GUCA2A: variants seen among roughly 807,000 people sequenced by gnomAD.
GUCA2A encodes guanylate cyclase activator 2A, also known as guanylin.
In GUCA2A, 17 loss-of-function variants were observed where a neutral mutation model predicts 11.2. The observed-to-expected ratio is 1.52, with a 90% CI of 1.04 to 2.28. GUCA2A has a LOEUF of 2.28. GUCA2A is among the 30% of genes most tolerant of loss of function. The probability of loss-of-function intolerance (pLI) is 0.00; values close to 1 mark genes in which losing one functional copy is unlikely to be tolerated. For missense variants in GUCA2A, 173 were observed against 139.3 expected, an observed-to-expected ratio of 1.24 and a Z score of -1.22; for synonymous variants, 64 against 57.1, an observed-to-expected ratio of 1.12 and a Z score of -0.54.
Position 42,163,515 on chromosome 1 carries a change from T to G in GUCA2A, c.171A>C (p.Ala57=). The G allele has an allele frequency of 6.2e-7, 1 of 1,613,292 alleles. No individual in the cohort carries two copies. The highest frequency in any genetic ancestry group is 1.7e-4 in the Middle Eastern group (1 of 6,060). The change falls in exon 2 of 3, where the codon GCA becomes GCC. Residue 57 remains alanine, a synonymous_variant. Transcript: ENST00000357001. Reference sequence around the variant, plus strand: ...GAACCACAGGTTCACCAGGGATGGGTGCAAAGTTCCTGAGTTTCCCAACCC... The same window carrying G: ...GAACCACAGGTTCACCAGGGATGGGGGCAAAGTTCCTGAGTTTCCCAACCC... ...EPRVGKLRNF[A]PIPGEPVVPI...
chr1:42,163,414 A>AGT lies in GUCA2A; in HGVS notation c.270_271dup (p.Leu91HisfsTer?). 1 of 1,610,402 alleles carries AGT rather than the reference A, an allele frequency of 6.2e-7. No individual in the cohort carries two copies. The highest frequency in any genetic ancestry group is 8.5e-7 in the Non-Finnish European group (1 of 1,176,624). ...AGGAGGCTGCTCACCCAGCCTCTGAAGTATCTCCTGGGCATTGGGCTCCTT... is the reference window on the plus strand; with the variant it reads ...AGGAGGCTGCTCACCCAGCCTCTGAAGTGTATCTCCTGGGCATTGGGCTCCTT... On this transcript the variant is annotated frameshift_variant, in exon 2 of 3. Coordinates refer to ENST00000357001, the MANE Select transcript of GUCA2A (RefSeq NM_033553.3). LOFTEE classifies it high-confidence loss of function.
rs561904719 is a variant in GUCA2A at position 42,164,725 on chromosome 1, C to G, written c.-13G>C. ...GGAAGGCATTCATGGCAGCAGTGCC[C>G]GAGAGAGGGGTGGCTGTTCTGGATG... is the stretch of plus-strand genomic sequence containing the variant. On this transcript the variant is annotated 5_prime_UTR_variant, in exon 1 of 3. Coordinates refer to ENST00000357001, the MANE Select transcript of GUCA2A (RefSeq NM_033553.3). 1.1e-5 allele frequency: 17 copies of G among 1,517,798 alleles called. No homozygotes were observed. In the African/African-American group the frequency reaches 1.9e-4, roughly 17 times the overall value. 94.0% of individuals were successfully genotyped at this position (1,517,798 alleles called of 1,614,324 possible). A position where few individuals can be genotyped will look rare whatever the true frequency, so the allele number is the denominator to read the frequency against.
chr1:42,162,715 G>T lies in GUCA2A; in HGVS notation c.*191C>A. On this transcript the variant is annotated 3_prime_UTR_variant, in exon 3 of 3. Coordinates refer to ENST00000357001, the MANE Select transcript of GUCA2A (RefSeq NM_033553.3). ...TACTCTGGAATCTGGTTTATTAGCT[G>T]GGGGTTGAAGTGGCAGGGAAGGACA... is the stretch of plus-strand genomic sequence containing the variant. 1 of 600,094 alleles carries T rather than the reference G, an allele frequency of 1.7e-6. No individual in the cohort carries two copies. The allele number at this position is 600,094 out of a possible 1,614,324, so 37.2% of individuals were successfully genotyped here.
rs1382831189 is a variant in GUCA2A at position 42,163,659 on chromosome 1, T to C, written c.76-49A>G. 4 of 1,337,784 alleles carry C rather than the reference T, an allele frequency of 3.0e-6. No homozygotes were observed. In the South Asian group the frequency reaches 3.7e-5, roughly 13 times the overall value. The allele number at this position is 1,337,784 out of a possible 1,614,324, so 82.9% of individuals were successfully genotyped here. A position where few individuals can be genotyped will look rare whatever the true frequency, so the allele number is the denominator to read the frequency against. On this transcript the variant is annotated intron_variant, in intron 1 of 2. Coordinates refer to ENST00000357001, the MANE Select transcript of GUCA2A (RefSeq NM_033553.3). Reference sequence around the variant, plus strand: ...TGAGGCCAGGCTGCAGCCTGCTTCCTGGCTGTGCCCCCCGTGCTGGCCCCG... The same window carrying C: ...TGAGGCCAGGCTGCAGCCTGCTTCCCGGCTGTGCCCCCCGTGCTGGCCCCG...
At chr1:42,163,310 C>T (rs1325393733) in intron 2 of GUCA2A, 93 bp downstream of exon 2, 6 of 842,106 alleles carry the variant, frequency 7.1e-6, no homozygotes, top group Non-Finnish European at 1.2e-5. Context: ...TGAGCCCTTC[C>T]TCCAAATCCC....
chr1:42,162,809 G>A lies in GUCA2A; in HGVS notation c.*97C>T. 1 of 1,006,814 alleles carries A rather than the reference G, an allele frequency of 9.9e-7. No homozygotes were observed. Among genetic ancestry groups the A allele is most frequent in the Non-Finnish European group, 1.6e-6 (1 of 633,630 alleles). 62.4% of individuals were successfully genotyped at this position (1,006,814 alleles called of 1,614,324 possible). On this transcript the variant is annotated 3_prime_UTR_variant, in exon 3 of 3. Coordinates refer to ENST00000357001, the MANE Select transcript of GUCA2A (RefSeq NM_033553.3). ...GCTCCTCCCGACTGGACCAGGGTAGGTTGAGCTGCTGGGAGTGGAGTATCA... is the reference window on the plus strand; with the variant it reads ...GCTCCTCCCGACTGGACCAGGGTAGATTGAGCTGCTGGGAGTGGAGTATCA...
At chr1:42,163,343 C>T in intron 2 of GUCA2A, 60 bp downstream of exon 2, 1 of 1,104,344 alleles carries the variant, frequency 9.1e-7, no homozygotes, top group Non-Finnish European at 1.4e-6. Context: ...ACATCTCTTC[C>T]TCAAGTGCCA....
Position 42,163,386 on chromosome 1 carries a change from G to A in GUCA2A, c.283+17C>T. ...ATTCCCGAACCCCACCAATCAGAGAGGAAGGAGGCTGCTCACCCAGCCTCT... is the reference window on the plus strand; with the variant it reads ...ATTCCCGAACCCCACCAATCAGAGAAGAAGGAGGCTGCTCACCCAGCCTCT... On this transcript the variant is annotated intron_variant, in intron 2 of 2. Transcript: ENST00000357001. 6.5e-7 allele frequency: 1 copy of A among 1,529,354 alleles called. No individual in the cohort carries two copies. The highest frequency in any genetic ancestry group is 9.1e-7 in the Non-Finnish European group (1 of 1,103,222). The allele number at this position is 1,529,354 out of a possible 1,614,324, so 94.7% of individuals were successfully genotyped here.
rs1646134639 is a variant in GUCA2A, at chr1:42,162,761, G to T, written c.*145C>A. 1 of 670,986 alleles carries T rather than the reference G, an allele frequency of 1.5e-6. No individual in the cohort carries two copies. The highest frequency in any genetic ancestry group is 2.3e-5 in the Admixed American group (1 of 42,764). 41.6% of individuals were successfully genotyped at this position (670,986 alleles called of 1,614,324 possible). A position where few individuals can be genotyped will look rare whatever the true frequency, so the allele number is the denominator to read the frequency against. On this transcript the variant is annotated 3_prime_UTR_variant, in exon 3 of 3. Transcript: ENST00000357001. ...GGACAGTGTTGGGGCGAGGCCTCCA[G>T]TCACCCAGTTCCTCCCCGGGCTGCT...
rs1406804658 is a variant in GUCA2A at position 42,164,691 on chromosome 1, C to T, written c.22G>A (p.Ala8Thr). 5.2e-6 allele frequency: 8 copies of T among 1,551,548 alleles called. No individual in the cohort carries two copies. The highest frequency in any genetic ancestry group is 1.7e-4 in the Middle Eastern group (1 of 5,774). Residue 8 changes from alanine to threonine, a missense_variant, in exon 1 of 3, where the codon GCA (alanine) becomes ACA (threonine). By Grantham distance (58) the Ala-to-Thr change is moderately conservative. Transcript: ENST00000357001. MNAFLLS[A>T]LCLLGAWAAL... ...GCCCAGGCCCCAAGGAGGCACAGTG[C>T]GGAGAGCAGGAAGGCATTCATGGCA...
chr1:42,164,636 A>G lies in GUCA2A; in HGVS notation c.75+2T>C. The G allele has an allele frequency of 6.5e-7, 1 of 1,538,658 alleles. No homozygotes were observed. The highest frequency in any genetic ancestry group is 1.2e-5 in the South Asian group (1 of 83,798). ...GGGCCGGGGTAGGGACACAGGACTC[A>G]CCTGCACGGTGACCCCTCCTGCCAA... On this transcript the variant is annotated splice_donor_variant, in intron 1 of 2. Transcript: ENST00000357001. LOFTEE classifies it high-confidence loss of function.
chr1:42,164,404 TC>T (rs1053535509), intron 1 of GUCA2A, among the ~76,000 whole-genome samples: 34 of 152,174 alleles, frequency 2.2e-4, no homozygotes, highest in African/African-American at 7.7e-4. Context: ...ATTGGCCAAC[TC>T]CCCGCCTTCC....
At position 42,163,538 on chromosome 1, in the gene GUCA2A, C is replaced by T. The variant is rs368412585; in HGVS notation, c.148G>A (p.Val50Ile). Residue 50 changes from valine (V) to isoleucine (I), a missense_variant, in exon 2 of 3, where the codon GTT (valine) becomes ATT (isoleucine). Coordinates refer to ENST00000357001, the MANE Select transcript of GUCA2A (RefSeq NM_033553.3). ...KDLQEPQEPR[V>I]GKLRNFAPIP... ...GGTGCAAAGTTCCTGAGTTTCCCAACCCTGGGCTCCTGGGGCTCCTGGAGG... is the reference window on the plus strand; with the variant it reads ...GGTGCAAAGTTCCTGAGTTTCCCAATCCTGGGCTCCTGGGGCTCCTGGAGG... The T allele has an allele frequency of 6.2e-7, 1 of 1,613,720 alleles. No individual in the cohort carries two copies. The highest frequency in any genetic ancestry group is 8.5e-7 in the Non-Finnish European group (1 of 1,179,728).
chr1:42,163,652 TG>T, intron 1 of GUCA2A, 42 bp from the exon 2 acceptor site: 1 of 1,410,870 alleles, frequency 7.1e-7, no homozygotes, highest in Non-Finnish European at 9.9e-7. Context: ...GGCTGCAGCC[TG>T]CTTCCTGGCT....
intron 1 of GUCA2A, among the ~76,000 whole-genome samples, chr1:42,164,367 G>C (rs555940865): frequency 5.3e-4 from 81 of 152,368 alleles, no homozygotes; most frequent in Non-Finnish European, 5.7e-4. Context: ...GGCTGGGGAA[G>C]GAGCCGGCAC....
chr1:42,163,355 C>T, intron 2 of GUCA2A, 48 bp downstream of exon 2: 3 of 1,228,926 alleles, frequency 2.4e-6, no homozygotes, highest in Non-Finnish European at 3.6e-6. Flanking sequence ...CAAGTGCCAC[C>T]ACAGTATTCC....
intron 2 of GUCA2A, 125 bp downstream of exon 2, chr1:42,163,278 C>G (rs1646137468): frequency 1.5e-6 from 1 of 674,176 alleles, no homozygotes; most frequent in Non-Finnish European, 2.6e-6. Flanking sequence ...GAGCCAAGCT[C>G]CCTAGTTCCA....
chr1:42,163,061 G>A (rs530623541), intron 2 of GUCA2A, 91 bp from the exon 3 acceptor site: 1 of 1,018,046 alleles, frequency 9.8e-7, no homozygotes, highest in East Asian at 2.5e-5. Flanking sequence ...TCACCACCCA[G>A]CCCCAGGAGA....
chr1:42,163,717 G>A (rs1459140079), intron 1 of GUCA2A, 107 bp from the exon 2 acceptor site: 8 of 711,914 alleles, frequency 1.1e-5, no homozygotes, highest in Non-Finnish European at 1.6e-5. Context: ...GGCAGTGTTC[G>A]TGGCATATGG....
Sources: allele counts gnomAD v4.1 joint callset (sites outside exome capture counted in the v4.1 genomes callset), GRCh38; gene constraint gnomAD v4.1.1; transcripts MANE v1.5; gene names NCBI Gene and HGNC (gene_info 2026-07-23, HGNC 2026-07-21).